ZNF521: variants seen among roughly 807,000 people sequenced by gnomAD.
The protein encoded by ZNF521 is zinc finger protein 521.
A neutral mutation model predicts 105.5 loss-of-function variants in ZNF521; 14 were observed. The ratio of observed to expected loss-of-function variants is 0.13; its 90% CI spans 0.09 to 0.21. The LOEUF is 0.21. Among genes scored for constraint, ZNF521 ranks in the 10% least tolerant of loss-of-function variants. ZNF521 has a pLI of 1.00. For missense variants in ZNF521, 1,233 were observed against 1,629.7 expected (o/e 0.76, Z 4.19); for synonymous variants, 635 against 606.0 (o/e 1.05, Z -0.70).
intron 3 of ZNF521, among the ~76,000 whole-genome samples, chr18:25,292,046 A>T (rs1432355476): frequency 2.7e-4 from 41 of 152,210 alleles, no homozygotes; most frequent in Non-Finnish European, 7.3e-5. Flanking sequence ...GAAAAAAAGG[A>T]GGGGAATAAA....
At chr18:25,110,765 C>T (rs931639798) in intron 5 of ZNF521, among the ~76,000 whole-genome samples, 1 of 151,754 alleles carries the variant, frequency 6.6e-6, no homozygotes, top group Non-Finnish European at 1.5e-5. Context: ...AACATTTCCC[C>T]CTCCTTTTTT....
chr18:25,267,380 G>A (rs1909342643), intron 3 of ZNF521, among the ~76,000 whole-genome samples: 1 of 152,190 alleles, frequency 6.6e-6, no homozygotes, highest in Admixed American at 6.5e-5. Flanking sequence ...CCTGCCTGAT[G>A]GCTCAGAAGA....
Position 25,333,916 on chromosome 18 carries a change from C to T in ZNF521, c.41-11729G>A, listed in dbSNP as rs193196517. On this transcript the variant is annotated intron_variant, in intron 2 of 7. Coordinates refer to ENST00000361524, the MANE Select transcript of ZNF521 (RefSeq NM_015461.3). ...AGTCTTTGCAGGCACAACCATCACT[C>T]ACTTCTTCCCAGAAGTCAAGCTGGT... 5.3e-3 allele frequency among the ~76,000 whole-genome samples: 811 copies of T among 152,318 alleles called. 10 individuals carry two copies. The highest frequency in any genetic ancestry group is 7.5e-3 in the Non-Finnish European group (510 of 68,022).
chr18:25,151,473 C>T (rs1470700602), intron 5 of ZNF521, among the ~76,000 whole-genome samples: 1 of 152,070 alleles, frequency 6.6e-6, no homozygotes, highest in Non-Finnish European at 1.5e-5. Context: ...TCTTTTTACC[C>T]CCAATGATAT....
intron 5 of ZNF521, among the ~76,000 whole-genome samples, chr18:25,179,302 AC>A (rs1420242702): frequency 6.6e-6 from 1 of 150,916 alleles, no homozygotes; most frequent in African/African-American, 2.4e-5. Context: ...TACACATGCC[AC>A]CACATCTGGC....
At chr18:25,149,503 T>G (rs1326540450) in intron 5 of ZNF521, among the ~76,000 whole-genome samples, 1 of 152,200 alleles carries the variant, frequency 6.6e-6, no homozygotes, top group Admixed American at 6.5e-5. Context: ...CCATATTTTA[T>G]GGCTAATAGA....
intron 3 of ZNF521, among the ~76,000 whole-genome samples, chr18:25,271,127 A>G (rs1909630577): frequency 6.6e-6 from 1 of 152,206 alleles, no homozygotes; most frequent in African/African-American, 2.4e-5. Context: ...TACACCAATA[A>G]CAGACAAACA....
intron 3 of ZNF521, among the ~76,000 whole-genome samples, chr18:25,255,584 T>G (rs532386289): frequency 6.6e-5 from 10 of 152,154 alleles, no homozygotes; most frequent in Non-Finnish European, 1.3e-4. Context: ...CATTCAATAT[T>G]GTAACACATT....
At chr18:25,209,262 G>C (rs1358171958) in intron 4 of ZNF521, among the ~76,000 whole-genome samples, 1 of 151,918 alleles carries the variant, frequency 6.6e-6, no homozygotes. Context: ...CTCCTGAGTA[G>C]CTGGGACTAC....
intron 5 of ZNF521, among the ~76,000 whole-genome samples, chr18:25,167,261 G>T (rs2035360133): frequency 6.6e-6 from 1 of 152,158 alleles, no homozygotes; most frequent in Non-Finnish European, 1.5e-5. Flanking sequence ...TCTGTGGGCT[G>T]CTTGTCTCTT....
intron 3 of ZNF521, among the ~76,000 whole-genome samples, chr18:25,243,441 A>G (rs1431154095): frequency 6.6e-6 from 1 of 152,228 alleles, no homozygotes; most frequent in Non-Finnish European, 1.5e-5. Context: ...CTGGGCAGAA[A>G]AGGACACAAT....
At chr18:25,142,329 G>A (rs1402156147) in intron 5 of ZNF521, among the ~76,000 whole-genome samples, 1 of 152,216 alleles carries the variant, frequency 6.6e-6, no homozygotes, top group South Asian at 2.1e-4. Flanking sequence ...CATCACTACT[G>A]ACTTTTAAAA....
At chr18:25,341,394 C>T (rs910326547) in intron 2 of ZNF521, among the ~76,000 whole-genome samples, 3 of 152,180 alleles carry the variant, frequency 2.0e-5, no homozygotes, top group African/African-American at 7.2e-5. Flanking sequence ...CCAAGAACCT[C>T]CAATCACTTT....
At chr18:25,338,523 C>T (rs1914026303) in intron 2 of ZNF521, among the ~76,000 whole-genome samples, 1 of 151,982 alleles carries the variant, frequency 6.6e-6, no homozygotes, top group South Asian at 2.1e-4. Flanking sequence ...AGTGATCTTC[C>T]CACGTCAGCC....
At position 25,120,606 on chromosome 18, in the gene ZNF521, CAA is replaced by C. The variant is rs1567970635; in HGVS notation, c.3659-28527_3659-28526del. Among the ~76,000 whole-genome samples the C allele has an allele frequency of 8.8e-4, 78 of 88,566 alleles. 1 individual carries two copies. The South Asian group carries it at 0.013, about 15-fold the overall frequency. 58.1% of individuals were successfully genotyped at this position (88,566 alleles called of 152,430 possible). A position where few individuals can be genotyped will look rare whatever the true frequency, so the allele number is the denominator to read the frequency against. ...CTAAAAAAAAAAAAAAAAAAAACCA[CAA>C]ACAAACAAACAAACAAACAAAAAAA... On this transcript the variant is annotated intron_variant, in intron 5 of 7. Coordinates refer to ENST00000361524, the MANE Select transcript of ZNF521 (RefSeq NM_015461.3).
chr18:25,138,508 A>C (rs769865239), intron 5 of ZNF521, among the ~76,000 whole-genome samples: 6 of 51,308 alleles, frequency 1.2e-4, no homozygotes, highest in Non-Finnish European at 2.2e-4. Flanking sequence ...TCTGAGAAAG[A>C]GAGTGGAGGG....
chr18:25,263,606 C>T (rs983916704), intron 3 of ZNF521, among the ~76,000 whole-genome samples: 6 of 151,316 alleles, frequency 4.0e-5, no homozygotes, highest in African/African-American at 7.3e-5. Flanking sequence ...AACAGAGTCT[C>T]GCTCTGTCGC....
chr18:25,194,015 T>C (rs2035861979), intron 5 of ZNF521, among the ~76,000 whole-genome samples: 1 of 151,864 alleles, frequency 6.6e-6, no homozygotes, highest in African/African-American at 2.4e-5. Context: ...CATTAATTTA[T>C]ATAAGAAAAA....
chr18:25,306,931 C>A (rs770056750), intron 3 of ZNF521, among the ~76,000 whole-genome samples: 6 of 151,346 alleles, frequency 4.0e-5, no homozygotes, highest in Non-Finnish European at 8.8e-5. Context: ...GTGCTTTAAA[C>A]AATTCTACCC....
Sources: allele counts gnomAD v4.1 joint callset (sites outside exome capture counted in the v4.1 genomes callset), GRCh38; gene constraint gnomAD v4.1.1; transcripts MANE v1.5; gene names NCBI Gene and HGNC (gene_info 2026-07-23, HGNC 2026-07-21).